The following ADGRL3 variants were observed in gnomAD, a reference collection of about 807,000 sequenced individuals.
ADGRL3 encodes calcium-independent alpha-latrotoxin receptor 3.
A neutral mutation model predicts 153.5 loss-of-function variants in ADGRL3; 62 were observed. The ratio of observed to expected loss-of-function variants is 0.40; its 90% CI spans 0.33 to 0.50. ADGRL3 has a LOEUF of 0.50. Ranked by LOEUF, ADGRL3 falls within the 20% of genes least tolerant of loss-of-function variation. ADGRL3 has a pLI of 0.47. For missense variants in ADGRL3, 1,641 were observed against 1,859.4 expected, an observed-to-expected ratio of 0.88 and a Z score of 2.16; for synonymous variants, 710 against 672.5, an observed-to-expected ratio of 1.06 and a Z score of -0.86.
chr4:61,835,134 A>T (rs753793689), intron 9 of ADGRL3, among the ~76,000 whole-genome samples: 4 of 152,168 alleles, frequency 2.6e-5, no homozygotes, highest in Non-Finnish European at 5.9e-5. Context: ...ACCATCAGAT[A>T]ACTCGAAGCA....
At chr4:61,481,980 A>G (rs1232370366) in intron 2 of ADGRL3, among the ~76,000 whole-genome samples, 1 of 152,162 alleles carries the variant, frequency 6.6e-6, no homozygotes, top group East Asian at 1.9e-4. Flanking sequence ...GAGATATTTC[A>G]GGAAACATCT....
At chr4:61,526,110 T>C (rs1018027952) in intron 4 of ADGRL3, among the ~76,000 whole-genome samples, 1 of 152,224 alleles carries the variant, frequency 6.6e-6, no homozygotes, top group East Asian at 1.9e-4. Flanking sequence ...ATTGGTAAAC[T>C]GAAGTGAAGT....
chr4:61,787,740 A>G (rs1373759749), intron 8 of ADGRL3, among the ~76,000 whole-genome samples: 2 of 152,124 alleles, frequency 1.3e-5, no homozygotes, highest in East Asian at 1.9e-4. Context: ...ATTTTTATAC[A>G]GTAAAATTCA....
intron 1 of ADGRL3, among the ~76,000 whole-genome samples, chr4:61,373,535 GA>G (rs1444655204): frequency 6.6e-6 from 1 of 152,086 alleles, no homozygotes; most frequent in African/African-American, 2.4e-5. Flanking sequence ...TATATCTCTT[GA>G]ATGCATACTT....
chr4:61,892,878 C>A lies in ADGRL3; in HGVS notation c.1703C>A (p.Ala568Asp). Residue 568 changes from alanine to aspartate, a missense_variant, in exon 10 of 27, where the codon GCT becomes GAT. Physicochemically the swap from Ala to Asp is moderately radical, Grantham distance 126. This residue lies in a region of ADGRL3 where 734 missense variants were observed against 797.0 expected (regional missense o/e 0.92). Transcript: ENST00000683033. ...CCAGCTCTCGAAGAGAGCTGTGAGG[C>A]TGTGGAAGCCCGAGAAATCATGTGG... ...QIPALEESCE[A>D]VEAREIMWFK... 6.3e-7 allele frequency: 1 copy of A among 1,597,120 alleles called. No individual in the cohort carries two copies. The highest frequency in any genetic ancestry group is 8.5e-7 in the Non-Finnish European group (1 of 1,174,782).
intron 1 of ADGRL3, among the ~76,000 whole-genome samples, chr4:61,215,541 A>AT (rs59691960): frequency 0.032 from 2,373 of 73,700 alleles, 287 homozygotes; most frequent in Admixed American, 0.04. Flanking sequence ...CTATTATGGA[A>AT]TTTTTTTTTT....
chr4:62,070,708 C>A lies in ADGRL3; in HGVS notation c.4432C>A (p.Pro1478Thr). The A allele has an allele frequency of 2.6e-6, 4 of 1,551,626 alleles. No homozygotes were observed. Among genetic ancestry groups the A allele is most frequent in the Non-Finnish European group, 3.5e-6 (4 of 1,146,974 alleles). ...VTTSTQTEPP[P>T]AKCGDAEDVY... ...CACCAGCACCCAGACCGAACCCCCA[C>A]CGGCCAAATGTGGTGATGCCGAAGA... The change falls in exon 27 of 27, where the codon CCG becomes ACG. Residue 1478 changes from proline (P) to threonine (T), a missense_variant. Pro to Thr is a conservative substitution (Grantham distance 38, BLOSUM62 -1). This residue lies in a region of ADGRL3 where 517 missense variants were observed against 555.0 expected (regional missense o/e 0.93). Transcript: ENST00000683033.
chr4:61,761,446 G>A (rs919463022), intron 8 of ADGRL3, among the ~76,000 whole-genome samples: 14 of 152,270 alleles, frequency 9.2e-5, no homozygotes, highest in Admixed American at 2.6e-4. Flanking sequence ...GAATAAATCA[G>A]ATTTTTTAAC....
At chr4:61,916,471 T>TA (rs888345266) in intron 13 of ADGRL3, among the ~76,000 whole-genome samples, 13 of 148,066 alleles carry the variant, frequency 8.8e-5, no homozygotes, top group East Asian at 3.9e-4. Flanking sequence ...CCATGTCTCT[T>TA]AAAAAAAAAA....
chr4:61,980,059 T>C (rs2099062162), intron 18 of ADGRL3, among the ~76,000 whole-genome samples: 2 of 152,196 alleles, frequency 1.3e-5, no homozygotes, highest in African/African-American at 2.4e-5. Flanking sequence ...CATTCCCATC[T>C]ATTCCCTGCT....
At chr4:62,004,096 A>G (rs932473099) in intron 21 of ADGRL3, among the ~76,000 whole-genome samples, 15 of 152,112 alleles carry the variant, frequency 9.9e-5, no homozygotes, top group African/African-American at 3.1e-4. Context: ...GATGAGTATT[A>G]TATTAGTATT....
intron 5 of ADGRL3, among the ~76,000 whole-genome samples, chr4:61,640,026 A>C (rs1049893379): frequency 6.6e-6 from 1 of 152,086 alleles, no homozygotes; most frequent in African/African-American, 2.4e-5. Context: ...CCTGGGGAGC[A>C]GTTAAGAGTA....
In ADGRL3 at chr4:61,733,162, A is replaced by G. The variant is rs1186709141; in HGVS notation, c.1007A>G (p.Asp336Gly). Reference protein sequence around the residue: ...GGKSDIDLAVDENGLWVIYAT... With the variant: ...GGKSDIDLAVGENGLWVIYAT... ...AAATCTGACATAGACCTGGCAGTAGATGAGAATGGGCTATGGGTAATCTAT... is the reference window on the plus strand; with the variant it reads ...AAATCTGACATAGACCTGGCAGTAGGTGAGAATGGGCTATGGGTAATCTAT... Residue 336 changes from aspartate to glycine, a missense_variant, in exon 8 of 27, where the codon GAT (aspartate) becomes GGT (glycine). Physicochemically the swap from Asp to Gly is moderately conservative, Grantham distance 94. This residue lies in a region of ADGRL3 where 213 missense variants were observed against 362.1 expected (regional missense o/e 0.59). Transcript: ENST00000683033. The G allele has an allele frequency of 6.2e-7, 1 of 1,613,304 alleles. No individual in the cohort carries two copies.
intron 4 of ADGRL3, among the ~76,000 whole-genome samples, chr4:61,565,351 T>C (rs1449340493): frequency 1.3e-5 from 2 of 152,200 alleles, no homozygotes; most frequent in Admixed American, 1.3e-4. Context: ...TAAGTTTATA[T>C]TAATGTTTTG....
At chr4:62,046,016 A>G (rs1037697320) in intron 25 of ADGRL3, among the ~76,000 whole-genome samples, 3 of 151,962 alleles carry the variant, frequency 2.0e-5, no homozygotes, top group African/African-American at 7.2e-5. Context: ...ATCATAAAGA[A>G]CAAATTACTT....
At chr4:61,282,468 G>A (rs902147505) in intron 1 of ADGRL3, among the ~76,000 whole-genome samples, 1 of 151,966 alleles carries the variant, frequency 6.6e-6, no homozygotes, top group Non-Finnish European at 1.5e-5. Flanking sequence ...ATCATTTTGT[G>A]TATGGGTTTT....
intron 2 of ADGRL3, among the ~76,000 whole-genome samples, chr4:61,388,602 C>G (rs868390689): frequency 1.8e-4 from 28 of 152,210 alleles, no homozygotes; most frequent in African/African-American, 6.5e-4. Context: ...TCTTAGGCTA[C>G]TACCTTTGTC....
At position 61,932,849 on chromosome 4, in the gene ADGRL3, C is replaced by T. The variant is rs555597345; in HGVS notation, c.2113-1991C>T. The stretch of plus-strand genomic sequence containing the variant: ...AGGCTCTGATTACTGACTCAATCTC[C>T]GTATTAGTTGTAGGTCTATTCAGAA... On this transcript the variant is annotated intron_variant, in intron 13 of 26. Transcript: ENST00000683033. 3.3e-5 allele frequency among the ~76,000 whole-genome samples: 5 copies of T among 151,992 alleles called. No homozygotes were observed. In the South Asian group the frequency reaches 8.3e-4, roughly 25 times the overall value.
At chr4:61,964,818 C>G (rs1188498228) in intron 17 of ADGRL3, among the ~76,000 whole-genome samples, 2 of 151,642 alleles carry the variant, frequency 1.3e-5, no homozygotes, top group East Asian at 3.9e-4. Context: ...AAAGCATAAT[C>G]AATCAACCAA....
Sources: allele counts gnomAD v4.1 joint callset (sites outside exome capture counted in the v4.1 genomes callset), GRCh38; gene constraint gnomAD v4.1.1; regional missense constraint gnomAD v4.1.1; transcripts MANE v1.5; gene names NCBI Gene and HGNC (gene_info 2026-07-23, HGNC 2026-07-21).